The following SLC11A2 variants were observed in gnomAD, a reference collection of about 807,000 sequenced individuals.
The protein encoded by SLC11A2 is natural resistance-associated macrophage protein 2.
In SLC11A2, 38 loss-of-function variants were observed where a neutral mutation model predicts 68.0. The observed-to-expected ratio is 0.56, with a 90% CI of 0.43 to 0.73. SLC11A2 has a LOEUF of 0.73. Among genes scored for constraint, SLC11A2 ranks in the 30% least tolerant of loss-of-function variants. The pLI is 0.00. For synonymous variants in SLC11A2, 242 were observed against 250.6 expected, an observed-to-expected ratio of 0.97 and a Z score of 0.32; for missense variants, 517 against 690.5, an observed-to-expected ratio of 0.75 and a Z score of 2.82.
downstream of SLC11A2, among the ~76,000 whole-genome samples, chr12:50,978,570 A>C (rs920882662): frequency 2.1e-4 from 31 of 145,916 alleles, no homozygotes; most frequent in Admixed American, 8.3e-4. Context: ...GCAGCACACC[A>C]ACATGGCACA....
the SLC11A2 span, among the ~76,000 whole-genome samples, chr12:50,970,823 A>C: frequency 2.9e-4 from 44 of 152,236 alleles, no homozygotes; most frequent in African/African-American, 9.9e-4. Context: ...TGCCAAACCA[A>C]TCTGAAAAAT....
Position 50,999,390 on chromosome 12 carries a change from T to C in SLC11A2, c.562A>G (p.Ile188Val). 6.2e-7 allele frequency: 1 copy of C among 1,613,882 alleles called. No individual in the cohort carries two copies. Among genetic ancestry groups the C allele is most frequent in the Non-Finnish European group, 8.5e-7 (1 of 1,179,810 alleles). ...AATACAAAAGTATCTGCAATGGTGA[T>C]GAGAACGCCACCCCACAGAGGAATT... ...GRIPLWGGVL[I>V]TIADTFVFLF... The change falls in exon 7 of 16, where the codon ATC (isoleucine) becomes GTC (valine). Residue 188 changes from isoleucine (I) to valine (V), a missense_variant. Physicochemically the swap from Ile to Val is conservative, Grantham distance 29. Transcript: ENST00000262052.
chr12:50,972,633 AGACAGTGGGTGCAG>A, the SLC11A2 span, among the ~76,000 whole-genome samples: 6 of 152,196 alleles, frequency 3.9e-5, no homozygotes, highest in Non-Finnish European at 7.3e-5. Flanking sequence ...GGGGATTGTC[AGACAGTGGGTGCAG>A]GACAGTGGGT....
At chr12:50,974,554 A>G (rs1305512685), downstream of SLC11A2, among the ~76,000 whole-genome samples, 2 of 152,206 alleles carry the variant, frequency 1.3e-5, no homozygotes, top group Non-Finnish European at 2.9e-5. Context: ...TGTAAAGACC[A>G]TCGATGCTAG....
At chr12:50,990,713 G>A in intron 15 of SLC11A2, 82 bp downstream of exon 15, 1 of 1,440,858 alleles carries the variant, frequency 6.9e-7, no homozygotes, top group Non-Finnish European at 9.7e-7. Flanking sequence ...CCCAGCCTGG[G>A]TCTGTTCATT....
At chr12:50,982,604 C>T (rs1290536370), downstream of SLC11A2, among the ~76,000 whole-genome samples, 5 of 150,322 alleles carry the variant, frequency 3.3e-5, no homozygotes, top group African/African-American at 9.8e-5. Context: ...TCCAGCCTGG[C>T]GACAGAGTCA....
the SLC11A2 span, among the ~76,000 whole-genome samples, chr12:50,965,133 A>G: frequency 6.6e-6 from 1 of 151,948 alleles, no homozygotes; most frequent in Middle Eastern, 3.4e-3. Context: ...TTGTTTTTTG[A>G]GACAGGGTCT....
the SLC11A2 span, among the ~76,000 whole-genome samples, chr12:50,962,487 G>A: frequency 6.6e-6 from 1 of 151,896 alleles, no homozygotes; most frequent in Non-Finnish European, 1.5e-5. Context: ...ATCACTTAGG[G>A]TCAGGAGTTC....
chr12:51,011,552 G>GCT (rs1943231091), intron 1 of SLC11A2, among the ~76,000 whole-genome samples: 1 of 125,242 alleles, frequency 8.0e-6, no homozygotes, highest in East Asian at 2.5e-4. Context: ...TTTATGAGTT[G>GCT]TTTTTTTTTG....
downstream of SLC11A2, chr12:50,981,946 C>T (rs1940059046): frequency 4.0e-6 from 2 of 503,424 alleles, no homozygotes; most frequent in Non-Finnish European, 7.0e-6. Context: ...AAAGAAATGG[C>T]TTACAGATAC....
At chr12:50,969,958 C>T in the SLC11A2 span, among the ~76,000 whole-genome samples, 4 of 152,028 alleles carry the variant, frequency 2.6e-5, no homozygotes, top group East Asian at 7.7e-4. Flanking sequence ...TGGCTACTTC[C>T]CCCTTTCTGC....
At chr12:50,984,663 C>G (rs1308935658), downstream of SLC11A2, among the ~76,000 whole-genome samples, 1 of 152,166 alleles carries the variant, frequency 6.6e-6, no homozygotes, top group Non-Finnish European at 1.5e-5. Flanking sequence ...AACTTATTAA[C>G]TAGTAACTCT....
intron 11 of SLC11A2, among the ~76,000 whole-genome samples, chr12:50,993,408 T>C (rs1941377144): frequency 6.6e-6 from 1 of 152,038 alleles, no homozygotes; most frequent in Admixed American, 6.6e-5. Flanking sequence ...AACACTTTCT[T>C]GGGGCTGGGT....
chr12:51,009,677 G>C (rs1031244653), intron 2 of SLC11A2, among the ~76,000 whole-genome samples: 3 of 152,156 alleles, frequency 2.0e-5, no homozygotes, highest in African/African-American at 7.2e-5. Flanking sequence ...ATCAAATACA[G>C]AGCGTAAGGT....
Position 51,001,450 on chromosome 12 carries a change from C to A in SLC11A2, c.430-1031G>T, listed in dbSNP as rs186412502. ...AACTATTGTGTATTGGGCTTAATAT[C>A]GGGGTGATGTAATAATATGTACAAC... On this transcript the variant is annotated intron_variant, in intron 5 of 15. Coordinates refer to ENST00000262052, the MANE Select transcript of SLC11A2 (RefSeq NM_000617.3). 2.0e-4 allele frequency among the ~76,000 whole-genome samples: 31 copies of A among 151,884 alleles called. No homozygotes were observed. In the East Asian group the frequency reaches 5.8e-3, roughly 28 times the overall value.
At chr12:51,026,425 G>A, upstream of SLC11A2, 4 of 1,130,360 alleles carry the variant, frequency 3.5e-6, no homozygotes, top group Non-Finnish European at 4.7e-6. Context: ...CGACAGGACG[G>A]CAGCCGCACA....
chr12:50,954,909 T>C, the SLC11A2 span, among the ~76,000 whole-genome samples: 1 of 152,196 alleles, frequency 6.6e-6, no homozygotes, highest in South Asian at 2.1e-4. Context: ...AGTGGTCATT[T>C]TGGCTGCTCA....
At chr12:51,000,653 C>CAGTAAT (rs1942122308) in intron 5 of SLC11A2, 1 of 591,148 alleles carries the variant, frequency 1.7e-6, no homozygotes, top group East Asian at 2.8e-5. Context: ...AAGGTCAAGG[C>CAGTAAT]AGTAATTGAT....
chr12:50,996,580 TA>T lies in SLC11A2; in HGVS notation c.831+236del, dbSNP rs761915241. The stretch of plus-strand genomic sequence containing the variant: ...AATAGAGTGAGACTCCATCTCAATT[TA>T]AAAAAAAAAAAAAAAAGAACTTTAG... On this transcript the variant is annotated intron_variant, in intron 9 of 15. Coordinates refer to ENST00000262052, the MANE Select transcript of SLC11A2 (RefSeq NM_000617.3). Among the ~76,000 whole-genome samples, 1,152 of 128,996 alleles carry T rather than the reference TA, an allele frequency of 8.9e-3. 3 individuals are homozygous for T. The highest frequency in any genetic ancestry group is 9.4e-3 in the Admixed American group (120 of 12,820). The allele number at this position is 128,996 out of a possible 152,430, so 84.6% of individuals were successfully genotyped here.
Sources: allele counts gnomAD v4.1 joint callset (sites outside exome capture counted in the v4.1 genomes callset), GRCh38; gene constraint gnomAD v4.1.1; transcripts MANE v1.5; gene names NCBI Gene and HGNC (gene_info 2026-07-23, HGNC 2026-07-21).